Variants in JUN observed in about 807,000 individuals in gnomAD.
JUN encodes the protein transcription factor Jun.
In JUN, 7 loss-of-function variants were observed where a neutral mutation model predicts 19.7. That is an observed-to-expected ratio of 0.36 (90% CI 0.20 to 0.67). The LOEUF (loss-of-function observed/expected upper bound fraction) is 0.67, where lower values mean the gene tolerates loss of function less well. Among genes scored for constraint, JUN ranks in the 30% least tolerant of loss-of-function variants. The probability of loss-of-function intolerance (pLI) is 0.64; values close to 1 mark genes in which losing one functional copy is unlikely to be tolerated. For synonymous variants in JUN, 246 were observed against 206.9 expected, an observed-to-expected ratio of 1.19 and a Z score of -1.62; for missense variants, 373 against 451.0, an observed-to-expected ratio of 0.83 and a Z score of 1.57.
In JUN at chr1:58,783,358, G is replaced by A. The variant is rs923911228; in HGVS notation, c.-288C>T. 1.6e-5 allele frequency: 7 copies of A among 444,366 alleles called. No individual in the cohort carries two copies. Among genetic ancestry groups the A allele is most frequent in the Non-Finnish European group, 2.5e-5 (6 of 236,444 alleles). The allele number at this position is 444,366 out of a possible 1,614,324, so 27.5% of individuals were successfully genotyped here. On this transcript the variant is annotated 5_prime_UTR_variant, in exon 1 of 1. In the 5' UTR this introduces an upstream ATG that the reference lacks. Transcript: ENST00000371222. ...CGCGGTCACTCACTGAGCGCTCTTC[G>A]TGCGCAGCGGTTCCTCGGAGTCCGC...
In JUN at chr1:58,782,220, A is replaced by C; in HGVS notation, c.851T>G (p.Val284Gly). Residue 284 changes from valine to glycine, a missense_variant, in exon 1 of 1, where the codon GTG becomes GGG. Val to Gly is a moderately radical substitution (Grantham distance 109). Around this residue, in one of 4 missense-constraint regions of JUN, gnomAD observed 83 missense variants for 143.0 expected, o/e 0.58. Transcript: ENST00000371222. This position sits in a 1 kb window ranked among gnomAD's most constrained non-coding sequence, Gnocchi z 8.7. Reference sequence around the variant, plus strand: ...CGAGTTCTGAGCTTTCAAGGTTTTCACTTTTTCCTCCAGCCGGGCGATTCT... The same window carrying C: ...CGAGTTCTGAGCTTTCAAGGTTTTCCCTTTTTCCTCCAGCCGGGCGATTCT... Reference protein sequence around the residue: ...LERIARLEEKVKTLKAQNSEL... With the variant: ...LERIARLEEKGKTLKAQNSEL... The C allele has an allele frequency of 6.2e-7, 1 of 1,614,096 alleles. No homozygotes were observed. Among genetic ancestry groups the C allele is most frequent in the Non-Finnish European group, 8.5e-7 (1 of 1,180,008 alleles).
Position 58,782,833 on chromosome 1 carries a change from T to G in JUN, c.238A>C (p.Ile80Leu). The G allele has an allele frequency of 6.2e-7, 1 of 1,613,958 alleles. No individual in the cohort carries two copies. The highest frequency in any genetic ancestry group is 8.5e-7 in the Non-Finnish European group (1 of 1,179,986). ...ATGTGCCCGTTGCTGGACTGGATTA[T>G]CAGGCGCTCCAGCTCGGGCGACGCC... ...KLASPELERL[I>L]IQSSNGHITT... The change falls in exon 1 of 1, where the codon ATA becomes CTA. Residue 80 changes from isoleucine (I) to leucine (L), a missense_variant. Coordinates refer to ENST00000371222, the MANE Select transcript of JUN (RefSeq NM_002228.4). The surrounding 1 kb of genome is among the most constrained non-coding windows in gnomAD (Gnocchi z 8.7).
rs12040370 is a variant in JUN, at chr1:58,783,195, C to T, written c.-125G>A. ...GGAGCCTTTGACAGGGAAAGTTTCT[C>T]TAAGAGCGCACGCACCCGCTGGCTG... is the stretch of plus-strand genomic sequence containing the variant. On this transcript the variant is annotated 5_prime_UTR_variant, in exon 1 of 1. Coordinates refer to ENST00000371222, the MANE Select transcript of JUN (RefSeq NM_002228.4). The T allele has an allele frequency of 1.4e-6, 2 of 1,451,080 alleles. No individual in the cohort carries two copies. Among genetic ancestry groups the T allele is most frequent in the Non-Finnish European group, 1.9e-6 (2 of 1,080,538 alleles). 89.9% of individuals were successfully genotyped at this position (1,451,080 alleles called of 1,614,324 possible). A position where few individuals can be genotyped will look rare whatever the true frequency, so the allele number is the denominator to read the frequency against.
At position 58,783,886 on chromosome 1, in the gene JUN, C is replaced by A. The variant is rs1376056136; in HGVS notation, c.-816G>T. 3 of 248,154 alleles carry A rather than the reference C, an allele frequency of 1.2e-5. No individual in the cohort carries two copies. Among genetic ancestry groups the A allele is most frequent in the East Asian group, 6.0e-5 (1 of 16,594 alleles). The allele number at this position is 248,154 out of a possible 1,614,324, so 15.4% of individuals were successfully genotyped here. A position where few individuals can be genotyped will look rare whatever the true frequency, so the allele number is the denominator to read the frequency against. On this transcript the variant is annotated 5_prime_UTR_variant, in exon 1 of 1. Coordinates refer to ENST00000371222, the MANE Select transcript of JUN (RefSeq NM_002228.4). ...GAAACACCAGCCCGGGAGCCACAGG[C>A]GCTAGCTCTGGGCAGTTAGAGAGAA...
rs1188029615 is a variant in JUN, at chr1:58,780,975, A to G, written c.*1100T>C. The G allele has an allele frequency of 4.3e-6, 1 of 233,076 alleles. No homozygotes were observed. Among genetic ancestry groups the G allele is most frequent in the Non-Finnish European group, 8.5e-6 (1 of 117,970 alleles). 14.4% of individuals were successfully genotyped at this position (233,076 alleles called of 1,614,324 possible). A position where few individuals can be genotyped will look rare whatever the true frequency, so the allele number is the denominator to read the frequency against. ...CTATTGTAAAATTTCTACTAACATTATAAATGGTCACAGCACATGCCACTT... is the reference window on the plus strand; with the variant it reads ...CTATTGTAAAATTTCTACTAACATTGTAAATGGTCACAGCACATGCCACTT... On this transcript the variant is annotated 3_prime_UTR_variant, in exon 1 of 1. Coordinates refer to ENST00000371222, the MANE Select transcript of JUN (RefSeq NM_002228.4).
chr1:58,783,600 T>G lies in JUN; in HGVS notation c.-530A>C. 4.0e-6 allele frequency: 1 copy of G among 248,656 alleles called. No homozygotes were observed. The highest frequency in any genetic ancestry group is 8.4e-6 in the Non-Finnish European group (1 of 118,390). 15.4% of individuals were successfully genotyped at this position (248,656 alleles called of 1,614,324 possible). On this transcript the variant is annotated 5_prime_UTR_variant, in exon 1 of 1. Coordinates refer to ENST00000371222, the MANE Select transcript of JUN (RefSeq NM_002228.4). ...AGCTGAGCGCACGTCCTTCTTCTCT[T>G]GCGTGGCTCTCCGCCGCCTTCTGGT...
At position 58,783,157 on chromosome 1, in the gene JUN, A is replaced by C. The variant is rs931834412; in HGVS notation, c.-87T>G. The C allele has an allele frequency of 4.6e-6, 7 of 1,521,882 alleles. No homozygotes were observed. Among genetic ancestry groups the C allele is most frequent in the Middle Eastern group, 1.8e-4 (1 of 5,512 alleles). The allele number at this position is 1,521,882 out of a possible 1,614,324, so 94.3% of individuals were successfully genotyped here. On this transcript the variant is annotated 5_prime_UTR_variant, in exon 1 of 1. Coordinates refer to ENST00000371222, the MANE Select transcript of JUN (RefSeq NM_002228.4). Reference sequence around the variant, plus strand: ...AACAGGGCTGTGGCAAGCGGGGGACACCCGCGCCCCCCGGAGCCTTTGACA... The same window carrying C: ...AACAGGGCTGTGGCAAGCGGGGGACCCCCGCGCCCCCCGGAGCCTTTGACA...
Position 58,781,065 on chromosome 1 carries a change from C to G in JUN, c.*1010G>C, listed in dbSNP as rs752041165. On this transcript the variant is annotated 3_prime_UTR_variant, in exon 1 of 1. Transcript: ENST00000371222. ...GCTGTCCCTCTCCACTGCAACCCCC[C>G]TTCCTCCAGCCTCCTGAAACATCGC... 3.4e-5 allele frequency: 8 copies of G among 233,116 alleles called. No homozygotes were observed. The highest frequency in any genetic ancestry group is 6.8e-5 in the Non-Finnish European group (8 of 118,028). 14.4% of individuals were successfully genotyped at this position (233,116 alleles called of 1,614,324 possible).
At position 58,782,663 on chromosome 1, in the gene JUN, C is replaced by T. The variant is rs1042484002; in HGVS notation, c.408G>A (p.Pro136=). 5.2e-5 allele frequency: 82 copies of T among 1,589,306 alleles called. No individual in the cohort carries two copies. The highest frequency in any genetic ancestry group is 6.8e-5 in the Non-Finnish European group (80 of 1,172,266). Residue 136 remains proline (P), a synonymous_variant, in exon 1 of 1, where the codon CCG becomes CCA. Coordinates refer to ENST00000371222, the MANE Select transcript of JUN (RefSeq NM_002228.4). This position sits in a 1 kb window ranked among gnomAD's most constrained non-coding sequence, Gnocchi z 8.7. ...GAGCCACCATGCCTGCCCCGTTGAC[C>T]GGCTGCGCCGCCGACGTGACGCTGG... ...TLPSVTSAAQ[P]VNGAGMVAPA...
chr1:58,782,770 T>G lies in JUN; in HGVS notation c.301A>C (p.Lys101Gln). 1 of 1,613,438 alleles carries G rather than the reference T, an allele frequency of 6.2e-7. No homozygotes were observed. Among genetic ancestry groups the G allele is most frequent in the Non-Finnish European group, 8.5e-7 (1 of 1,179,926 alleles). ...CCCTCCTGCTCATCTGTCACGTTCT[T>G]GGGGCACAGGAACTGGGTGGGGGTC... ...TPTPTQFLCP[K>Q]NVTDEQEGFA... Residue 101 changes from lysine to glutamine, a missense_variant, in exon 1 of 1, where the codon AAG (lysine) becomes CAG (glutamine). Coordinates refer to ENST00000371222, the MANE Select transcript of JUN (RefSeq NM_002228.4). This position sits in a 1 kb window ranked among gnomAD's most constrained non-coding sequence, Gnocchi z 8.7.
chr1:58,782,276 A>G lies in JUN; in HGVS notation c.795T>C (p.Ala265=), dbSNP rs749722784. 2 of 1,614,218 alleles carry G rather than the reference A, an allele frequency of 1.2e-6. No individual in the cohort carries two copies. The highest frequency in any genetic ancestry group is 2.2e-5 in the South Asian group (2 of 91,090). ...GCTTCCTTTTTCGGCACTTGGAGGC[A>G]GCGATGCGGTTCCTCATGCGCTTCC... is the stretch of plus-strand genomic sequence containing the variant. ...AERKRMRNRI[A]ASKCRKRKLE... is the part of the protein sequence containing the mutation. The change falls in exon 1 of 1, where the codon GCT becomes GCC. Residue 265 remains alanine, a synonymous_variant. Transcript: ENST00000371222. This position sits in a 1 kb window ranked among gnomAD's most constrained non-coding sequence, Gnocchi z 8.7.
rs1431749548 is a variant in JUN at position 58,783,495 on chromosome 1, C to T, written c.-425G>A. The stretch of plus-strand genomic sequence containing the variant: ...GCCGCCCGGACTCCGACGACTTGTC[C>T]CCTCCTCCGCTGCTAGGGGGAGGGG... On this transcript the variant is annotated 5_prime_UTR_variant, in exon 1 of 1. Coordinates refer to ENST00000371222, the MANE Select transcript of JUN (RefSeq NM_002228.4). 8.0e-6 allele frequency: 2 copies of T among 251,410 alleles called. No homozygotes were observed. Among genetic ancestry groups the T allele is most frequent in the Admixed American group, 5.4e-5 (1 of 18,606 alleles). The allele number at this position is 251,410 out of a possible 1,614,324, so 15.6% of individuals were successfully genotyped here.
At position 58,782,342 on chromosome 1, in the gene JUN, G is replaced by C; in HGVS notation, c.729C>G (p.Ser243=). ...GCTCCTGGGACTCCATGTCGATGGG[G>C]GACAGGGGCGGTGTCTCGCCGGGCA... The part of the protein sequence containing the change: ...PEMPGETPPL[S]PIDMESQERI... The change falls in exon 1 of 1, where the codon TCC becomes TCG. Residue 243 remains serine (S), a synonymous_variant. Coordinates refer to ENST00000371222, the MANE Select transcript of JUN (RefSeq NM_002228.4). The surrounding 1 kb of genome is among the most constrained non-coding windows in gnomAD (Gnocchi z 8.7). 6 of 1,614,130 alleles carry C rather than the reference G, an allele frequency of 3.7e-6. No homozygotes were observed. Among genetic ancestry groups the C allele is most frequent in the Non-Finnish European group, 5.1e-6 (6 of 1,179,946 alleles).
chr1:58,782,069 C>A lies in JUN; in HGVS notation c.*6G>T. The A allele has an allele frequency of 6.2e-7, 1 of 1,603,710 alleles. No homozygotes were observed. The highest frequency in any genetic ancestry group is 8.5e-7 in the Non-Finnish European group (1 of 1,171,478). ...TCGTTGCCCCTCAGCCCCCGACGGTCTCTCTTCAAAATGTTTGCAACTGCT... is the reference window on the plus strand; with the variant it reads ...TCGTTGCCCCTCAGCCCCCGACGGTATCTCTTCAAAATGTTTGCAACTGCT... On this transcript the variant is annotated 3_prime_UTR_variant, in exon 1 of 1. Coordinates refer to ENST00000371222, the MANE Select transcript of JUN (RefSeq NM_002228.4). The surrounding 1 kb of genome is among the most constrained non-coding windows in gnomAD (Gnocchi z 8.7).
chr1:58,782,810 G>A lies in JUN; in HGVS notation c.261C>T (p.His87=), dbSNP rs770874078. ...GGGTGGGGGTCGGCGTGGTGGTGAT[G>A]TGCCCGTTGCTGGACTGGATTATCA... The part of the protein sequence containing the change: ...ERLIIQSSNG[H]ITTTPTPTQF... The change falls in exon 1 of 1, where the codon CAC becomes CAT. Residue 87 remains histidine, a synonymous_variant. Coordinates refer to ENST00000371222, the MANE Select transcript of JUN (RefSeq NM_002228.4). The surrounding 1 kb of genome is among the most constrained non-coding windows in gnomAD (Gnocchi z 8.7). The A allele has an allele frequency of 6.2e-7, 1 of 1,613,872 alleles. No individual in the cohort carries two copies. The highest frequency in any genetic ancestry group is 8.5e-7 in the Non-Finnish European group (1 of 1,179,976).
Position 58,782,024 on chromosome 1 carries a change from C to A in JUN, c.*51G>T. ...ACTTGTCAAGTTCTCAAGTCTGTCT[C>A]TCTGTGTTATTTTTTTTCTTCGTTG... On this transcript the variant is annotated 3_prime_UTR_variant, in exon 1 of 1. Transcript: ENST00000371222. The surrounding 1 kb of genome is among the most constrained non-coding windows in gnomAD (Gnocchi z 8.7). The A allele has an allele frequency of 1.4e-6, 2 of 1,420,124 alleles. No individual in the cohort carries two copies. The highest frequency in any genetic ancestry group is 1.2e-5 in the South Asian group (1 of 84,224). The allele number at this position is 1,420,124 out of a possible 1,614,324, so 88.0% of individuals were successfully genotyped here.
rs9989 is a variant in JUN, at chr1:58,782,181, G to C, written c.890C>G (p.Thr297Arg). ...CACCTGTTCCCTGAGCATGTTGGCC[G>C]TGGACGCCAGCTCCGAGTTCTGAGC... ...LKAQNSELAS[T>R]ANMLREQVAQ... Residue 297 changes from threonine to arginine, a missense_variant, in exon 1 of 1, where the codon ACG becomes AGG. This residue lies in a region of JUN where 83 missense variants were observed against 143.0 expected (regional missense o/e 0.58). Coordinates refer to ENST00000371222, the MANE Select transcript of JUN (RefSeq NM_002228.4). This position sits in a 1 kb window ranked among gnomAD's most constrained non-coding sequence, Gnocchi z 8.7. The C allele has an allele frequency of 5.6e-6, 9 of 1,614,118 alleles. No homozygotes were observed. Among genetic ancestry groups the C allele is most frequent in the Non-Finnish European group, 7.6e-6 (9 of 1,180,048 alleles).
chr1:58,783,023 G>A lies in JUN; in HGVS notation c.48C>T (p.Ala16=), dbSNP rs774353336. The change falls in exon 1 of 1, where the codon GCC becomes GCT. Residue 16 remains alanine, a synonymous_variant. Coordinates refer to ENST00000371222, the MANE Select transcript of JUN (RefSeq NM_002228.4). ...ETTFYDDALN[A]SFLPSESGPY... is the part of the protein sequence containing the mutation. ...GTCCGCTCTCGGACGGGAGGAACGA[G>A]GCGTTGAGGGCATCGTCATAGAAGG... 6.2e-7 allele frequency: 1 copy of A among 1,614,216 alleles called. No homozygotes were observed. Among genetic ancestry groups the A allele is most frequent in the East Asian group, 2.2e-5 (1 of 44,878 alleles).
chr1:58,782,011 C>G lies in JUN; in HGVS notation c.*64G>C. ...TCTCTCCGTCGCAACTTGTCAAGTT[C>G]TCAAGTCTGTCTCTCTGTGTTATTT... On this transcript the variant is annotated 3_prime_UTR_variant, in exon 1 of 1. Transcript: ENST00000371222. This position sits in a 1 kb window ranked among gnomAD's most constrained non-coding sequence, Gnocchi z 8.7. 7.5e-7 allele frequency: 1 copy of G among 1,340,980 alleles called. No individual in the cohort carries two copies. Among genetic ancestry groups the G allele is most frequent in the Non-Finnish European group, 1.1e-6 (1 of 952,358 alleles). The allele number at this position is 1,340,980 out of a possible 1,614,324, so 83.1% of individuals were successfully genotyped here.
Sources: gnomAD v4.1 joint callset for allele counts on GRCh38, gnomAD v4.1.1 for gene constraint, gnomAD v4.1.1 regional missense constraint, Gnocchi (gnomAD v3.1) non-coding constraint, MANE v1.5 for transcripts, NCBI Gene and HGNC (gene_info 2026-07-23, HGNC 2026-07-21) for gene names.